SRGAP1: variants seen among roughly 807,000 people sequenced by gnomAD.
SRGAP1 encodes the protein SLIT-ROBO Rho GTPase-activating protein 1.
A neutral mutation model predicts 121.9 loss-of-function variants in SRGAP1; 43 were observed. The ratio of observed to expected loss-of-function variants is 0.35; its 90% CI spans 0.28 to 0.46. The LOEUF is 0.46. Among genes scored for constraint, SRGAP1 ranks in the 20% least tolerant of loss-of-function variants. SRGAP1 has a pLI of 1.00. For missense variants in SRGAP1, 1,102 were observed against 1,350.9 expected, an observed-to-expected ratio of 0.82 and a Z score of 2.89; for synonymous variants, 447 against 485.4, an observed-to-expected ratio of 0.92 and a Z score of 1.04.
intron 16 of SRGAP1, among the ~76,000 whole-genome samples, chr12:64,110,841 AG>A (rs1194488064): frequency 6.6e-6 from 1 of 152,212 alleles, no homozygotes; most frequent in Non-Finnish European, 1.5e-5. Flanking sequence ...TTCCAAAAAA[AG>A]GGTAAAGTAT....
chr12:63,936,698 A>G (rs1472102340), intron 1 of SRGAP1, among the ~76,000 whole-genome samples: 3 of 152,188 alleles, frequency 2.0e-5, no homozygotes, highest in Admixed American at 2.0e-4. Flanking sequence ...GGTTTGTAAG[A>G]TAACTAATTT....
At chr12:63,853,858 A>G (rs1899154835) in intron 1 of SRGAP1, among the ~76,000 whole-genome samples, 1 of 152,258 alleles carries the variant, frequency 6.6e-6, no homozygotes, top group Non-Finnish European at 1.5e-5. Context: ...AGGTAAATCC[A>G]AGCAAAGCTT....
chr12:63,917,669 C>G (rs1471392661), intron 1 of SRGAP1, among the ~76,000 whole-genome samples: 1 of 152,136 alleles, frequency 6.6e-6, no homozygotes, highest in Non-Finnish European at 1.5e-5. Context: ...TGCAAATCTA[C>G]TCTTAAGAAT....
chr12:63,972,221 A>G lies in SRGAP1; in HGVS notation c.68-11726A>G, dbSNP rs370056345. 3.3e-5 allele frequency among the ~76,000 whole-genome samples: 5 copies of G among 152,370 alleles called. No individual in the cohort carries two copies. In the East Asian group the frequency reaches 5.8e-4, roughly 18 times the overall value. The stretch of plus-strand genomic sequence containing the variant: ...TTAAAAAGTCTCTAATAGAGGTATA[A>G]AGAAAATTAAGTGAAATGATCAGTG... On this transcript the variant is annotated intron_variant, in intron 1 of 21. Transcript: ENST00000355086.
At chr12:64,102,562 G>A (rs371430387) in intron 15 of SRGAP1, among the ~76,000 whole-genome samples, 9 of 152,032 alleles carry the variant, frequency 5.9e-5, no homozygotes, top group East Asian at 1.9e-4. Flanking sequence ...ATTACTCCCC[G>A]TTTACTCATA....
At chr12:64,139,190 T>C (rs1295737485) in intron 21 of SRGAP1, among the ~76,000 whole-genome samples, 2 of 152,190 alleles carry the variant, frequency 1.3e-5, no homozygotes, top group Non-Finnish European at 2.9e-5. Flanking sequence ...TGCAGCCTTG[T>C]TATTGTGACA....
chr12:63,931,653 TGCTATG>T (rs1435488916), intron 1 of SRGAP1, among the ~76,000 whole-genome samples: 1 of 152,278 alleles, frequency 6.6e-6, no homozygotes, highest in East Asian at 1.9e-4. Context: ...TGATGCTACG[TGCTATG>T]GGTCTTGTCA....
chr12:64,004,267 A>T (rs780105327), intron 3 of SRGAP1, among the ~76,000 whole-genome samples: 10 of 152,234 alleles, frequency 6.6e-5, no homozygotes, highest in Admixed American at 3.3e-4. Flanking sequence ...ATGTCCCATG[A>T]AAAAGGAATT....
chr12:63,999,348 C>T (rs897639765), intron 3 of SRGAP1, among the ~76,000 whole-genome samples: 1 of 152,144 alleles, frequency 6.6e-6, no homozygotes, highest in African/African-American at 2.4e-5. Context: ...ACGATAGTGA[C>T]GTGATCCACT....
rs190052409 is a variant in SRGAP1, at chr12:63,844,720, C to T, written c.-97C>T. 427 of 1,214,862 alleles carry T rather than the reference C, an allele frequency of 3.5e-4. 2 individuals are homozygous for T. Among genetic ancestry groups the T allele is most frequent in the Middle Eastern group, 1.9e-3 (10 of 5,332 alleles). The allele number at this position is 1,214,862 out of a possible 1,614,324, so 75.3% of individuals were successfully genotyped here. On this transcript the variant is annotated 5_prime_UTR_variant, in exon 1 of 22. Coordinates refer to ENST00000355086, the MANE Select transcript of SRGAP1 (RefSeq NM_020762.4). This position sits in a 1 kb window ranked among gnomAD's most constrained non-coding sequence, Gnocchi z 4.3. Reference sequence around the variant, plus strand: ...CGGGTCGGCGCTGCCTCTGGATTGCCTGCGTGTGGGAGTACAACTCTGCCT... The same window carrying T: ...CGGGTCGGCGCTGCCTCTGGATTGCTTGCGTGTGGGAGTACAACTCTGCCT...
chr12:64,115,868 T>C lies in SRGAP1; in HGVS notation c.2199T>C (p.Gly733=), dbSNP rs756789549. 20 of 1,613,452 alleles carry C rather than the reference T, an allele frequency of 1.2e-5. No homozygotes were observed. The South Asian group carries it at 2.1e-4, about 17-fold the overall frequency. The change falls in exon 18 of 22, where the codon GGT becomes GGC. Residue 733 remains glycine (G), a synonymous_variant. Transcript: ENST00000355086. ...TGGAGGAAGTGGACCAAGATGCTGG[T>C]ACAGAGCCCCACACAAGTGAAGATG... The part of the protein sequence containing the change: ...GTLEEVDQDA[G]TEPHTSEDEC...
At chr12:63,909,333 G>C (rs1189198510) in intron 1 of SRGAP1, among the ~76,000 whole-genome samples, 2 of 152,214 alleles carry the variant, frequency 1.3e-5, no homozygotes, top group East Asian at 3.8e-4. Flanking sequence ...CTCACATGCA[G>C]ATATGACTGT....
At chr12:63,880,480 C>G (rs1368116657) in intron 1 of SRGAP1, among the ~76,000 whole-genome samples, 1 of 152,184 alleles carries the variant, frequency 6.6e-6, no homozygotes, top group Non-Finnish European at 1.5e-5. Flanking sequence ...ATCCGCCCCT[C>G]CCATCGGCCT....
In SRGAP1 at chr12:64,039,627, A is replaced by ATGTGTGTGTGTG. The variant is rs1565652059; in HGVS notation, c.490-3163_490-3162insTGTGTGTGTGTG. Among the ~76,000 whole-genome samples, 215 of 38,372 alleles carry ATGTGTGTGTGTG rather than the reference A, an allele frequency of 5.6e-3. 2 individuals carry two copies. Among genetic ancestry groups the ATGTGTGTGTGTG allele is most frequent in the African/African-American group, 0.017 (203 of 12,038 alleles). The allele number at this position is 38,372 out of a possible 152,430, so 25.2% of individuals were successfully genotyped here. On this transcript the variant is annotated intron_variant, in intron 4 of 21. Transcript: ENST00000355086. ...TAGCAAGAATACAGACAGCTGAGCA[A>ATGTGTGTGTGTG]CGTGTGTGTGTGTGTGTGTGTGTGT... is the stretch of plus-strand genomic sequence containing the variant.
intron 1 of SRGAP1, among the ~76,000 whole-genome samples, chr12:63,861,710 A>T (rs1206827648): frequency 6.6e-6 from 1 of 152,176 alleles, no homozygotes. Context: ...GTTTTAGGCC[A>T]GGAGTGGTGG....
Position 64,131,653 on chromosome 12 carries a change from C to T in SRGAP1, c.2880+3453C>T, listed in dbSNP as rs143101524. 9.8e-5 allele frequency among the ~76,000 whole-genome samples: 15 copies of T among 152,320 alleles called. No individual in the cohort carries two copies. The East Asian group carries it at 2.9e-3, about 29-fold the overall frequency. On this transcript the variant is annotated intron_variant, in intron 21 of 21. Coordinates refer to ENST00000355086, the MANE Select transcript of SRGAP1 (RefSeq NM_020762.4). ...ATCAGTGCAGCCTGGGCATTTGAGCCACTTCCTCATGTAACTTATGCCTTC... is the reference window on the plus strand; with the variant it reads ...ATCAGTGCAGCCTGGGCATTTGAGCTACTTCCTCATGTAACTTATGCCTTC...
At chr12:63,847,783 T>C (rs982814110) in intron 1 of SRGAP1, among the ~76,000 whole-genome samples, 2 of 152,014 alleles carry the variant, frequency 1.3e-5, no homozygotes, top group African/African-American at 4.8e-5. Context: ...TATTGGACTC[T>C]ATAGGTGACT....
At chr12:63,921,420 C>A (rs1260041649) in intron 1 of SRGAP1, among the ~76,000 whole-genome samples, 6 of 152,188 alleles carry the variant, frequency 3.9e-5, no homozygotes, top group Non-Finnish European at 5.9e-5. Context: ...CTGCCCATAT[C>A]TCTAGTGCCA....
intron 8 of SRGAP1, among the ~76,000 whole-genome samples, chr12:64,071,172 T>C (rs1057277064): frequency 6.6e-6 from 1 of 152,188 alleles, no homozygotes; most frequent in African/African-American, 2.4e-5. Flanking sequence ...CACATTTATA[T>C]TTTTTGTTTC....
Sources: allele counts gnomAD v4.1 joint callset (sites outside exome capture counted in the v4.1 genomes callset), GRCh38; gene constraint gnomAD v4.1.1; non-coding constraint Gnocchi (gnomAD v3.1); transcripts MANE v1.5; gene names NCBI Gene and HGNC (gene_info 2026-07-23, HGNC 2026-07-21).